The following ANKRD30BL variants were observed in gnomAD, a reference collection of about 807,000 sequenced individuals.
ANKRD30BL encodes putative ankyrin repeat domain-containing protein 30B-like.
In ANKRD30BL, 20 loss-of-function variants were observed where a neutral mutation model predicts 18.4. The observed-to-expected ratio is 1.09, with a 90% CI of 0.77 to 1.58. The LOEUF (loss-of-function observed/expected upper bound fraction) is 1.58, where lower values mean the gene tolerates loss of function less well. Among genes scored for constraint, ANKRD30BL ranks in the 40% most tolerant of loss-of-function variants. ANKRD30BL has a pLI of 0.00. For missense variants in ANKRD30BL, 224 were observed against 268.6 expected, an observed-to-expected ratio of 0.83 and a Z score of 1.16; for synonymous variants, 72 against 100.9, an observed-to-expected ratio of 0.71 and a Z score of 1.72.
chr2:132,189,973 T>C lies in ANKRD30BL; in HGVS notation n.442-32827A>G, dbSNP rs528211070. Among the ~76,000 whole-genome samples, 1,141 of 151,956 alleles carry C rather than the reference T, an allele frequency of 7.5e-3. 8 individuals carry two copies. The highest frequency in any genetic ancestry group is 0.025 in the African/African-American group (1,024 of 41,460). On this transcript the variant is annotated intron_variant and non_coding_transcript_variant, in intron 1 of 4. Transcript: ENST00000470729. ...TGGGTATAGCACAGCAAATCAAAGG[T>C]TGATAACATAAAATAGTGGACTAAA... is the stretch of plus-strand genomic sequence containing the variant.
intron 4 of ANKRD30BL, chr2:132,152,138 A>G (rs565748733): frequency 7.9e-5 from 12 of 152,362 alleles, no homozygotes; most frequent in Non-Finnish European, 1.2e-4. Context: ...AATTTTTTGT[A>G]TGAAAATCAC....
At chr2:132,251,689 T>C (rs1389048886) in intron 1 of ANKRD30BL, among the ~76,000 whole-genome samples, 3 of 152,218 alleles carry the variant, frequency 2.0e-5, no homozygotes, top group Non-Finnish European at 4.4e-5. Flanking sequence ...CCATACTTTC[T>C]GATATCAGGA....
At chr2:132,211,196 T>G (rs976222197) in intron 1 of ANKRD30BL, among the ~76,000 whole-genome samples, 1 of 132,654 alleles carries the variant, frequency 7.5e-6, no homozygotes, top group Non-Finnish European at 1.6e-5. Flanking sequence ...TGAAGCGCTT[T>G]GAGGCCTATG....
intron 1 of ANKRD30BL, among the ~76,000 whole-genome samples, chr2:132,234,567 A>G (rs1164783087): frequency 6.6e-6 from 1 of 152,238 alleles, no homozygotes; most frequent in Non-Finnish European, 1.5e-5. Context: ...ACCTCTATGC[A>G]AATAAACTAG....
At chr2:132,175,661 A>C (rs1391198941) in intron 1 of ANKRD30BL, among the ~76,000 whole-genome samples, 1 of 152,202 alleles carries the variant, frequency 6.6e-6, no homozygotes, top group Non-Finnish European at 1.5e-5. Flanking sequence ...TCAGACTATC[A>C]CATGTGGAGA....
chr2:132,154,338 C>G (rs370979108), intron 4 of ANKRD30BL, among the ~76,000 whole-genome samples: 1 of 152,154 alleles, frequency 6.6e-6, no homozygotes, highest in Admixed American at 6.5e-5. Context: ...TCATTCAATA[C>G]TGAATTATAA....
chr2:132,222,248 C>T (rs1310067665), intron 1 of ANKRD30BL, among the ~76,000 whole-genome samples: 1 of 150,074 alleles, frequency 6.7e-6, no homozygotes, highest in East Asian at 2.0e-4. Flanking sequence ...GCCGCCCCAT[C>T]CGGGAGGTGA....
intron 1 of ANKRD30BL, among the ~76,000 whole-genome samples, chr2:132,203,255 C>T (rs1473857751): frequency 1.3e-5 from 2 of 152,280 alleles, no homozygotes; most frequent in African/African-American, 4.8e-5. Context: ...AAAATTGGTT[C>T]TAACTTTCAA....
At chr2:132,231,880 G>A (rs1227195833) in intron 1 of ANKRD30BL, among the ~76,000 whole-genome samples, 4 of 152,126 alleles carry the variant, frequency 2.6e-5, no homozygotes, top group Non-Finnish European at 5.9e-5. Flanking sequence ...TCCACCTCTG[G>A]GGGAAGGGCA....
intron 1 of ANKRD30BL, among the ~76,000 whole-genome samples, chr2:132,225,977 C>A (rs915731325): frequency 2.0e-5 from 3 of 151,594 alleles, no homozygotes; most frequent in Non-Finnish European, 2.9e-5. Context: ...ACATTTGGAG[C>A]CCTTTGAGGC....
intron 5 of ANKRD30BL, among the ~76,000 whole-genome samples, chr2:132,150,437 C>T (rs1339052697): frequency 6.6e-6 from 1 of 151,154 alleles, no homozygotes; most frequent in Non-Finnish European, 1.5e-5. Flanking sequence ...TAATTCAAGG[C>T]ACCTAAGCTA....
At chr2:132,208,627 A>G (rs914139511) in intron 1 of ANKRD30BL, among the ~76,000 whole-genome samples, 5 of 152,060 alleles carry the variant, frequency 3.3e-5, no homozygotes, top group Admixed American at 3.3e-4. Context: ...GCTATTTACC[A>G]TTTATTTAAG....
At chr2:132,223,681 C>T (rs998931745) in intron 1 of ANKRD30BL, among the ~76,000 whole-genome samples, 1 of 151,710 alleles carries the variant, frequency 6.6e-6, no homozygotes, top group Non-Finnish European at 1.5e-5. Flanking sequence ...GTACATTCAA[C>T]TCACAGACTT....
At chr2:132,172,481 T>G (rs1297377843) in intron 1 of ANKRD30BL, among the ~76,000 whole-genome samples, 2 of 152,226 alleles carry the variant, frequency 1.3e-5, no homozygotes, top group African/African-American at 2.4e-5. Context: ...CTAGTGATAT[T>G]AAGCCTCTTT....
At chr2:132,236,648 G>A (rs1680159947) in intron 1 of ANKRD30BL, among the ~76,000 whole-genome samples, 1 of 152,162 alleles carries the variant, frequency 6.6e-6, no homozygotes, top group East Asian at 1.9e-4. Flanking sequence ...ACGATGTGGA[G>A]AAATAGGAAC....
At chr2:132,175,432 T>C (rs571354551) in intron 1 of ANKRD30BL, among the ~76,000 whole-genome samples, 17 of 152,360 alleles carry the variant, frequency 1.1e-4, no homozygotes, top group South Asian at 6.2e-4. Flanking sequence ...TCTTGCCTCC[T>C]GCCATAAGGT....
At chr2:132,194,540 A>G (rs1678925621) in intron 1 of ANKRD30BL, among the ~76,000 whole-genome samples, 1 of 152,148 alleles carries the variant, frequency 6.6e-6, no homozygotes, top group African/African-American at 2.4e-5. Context: ...TAATTTAAGG[A>G]GTCCACAGTG....
At position 132,148,048 on chromosome 2, in the gene ANKRD30BL, A is replaced by T; in HGVS notation, c.*83T>A. ...ATTTGTTCTTTGATGAGGAACTCAG[A>T]ACTCATTGTACTTAATCTTCCCCCT... On this transcript the variant is annotated 3_prime_UTR_variant, in exon 6 of 6. Coordinates refer to ENST00000409867, the MANE Select transcript of ANKRD30BL (RefSeq NM_001358416.1). The T allele has an allele frequency of 9.9e-7, 1 of 1,013,990 alleles. No homozygotes were observed. The highest frequency in any genetic ancestry group is 1.4e-5 in the South Asian group (1 of 72,876). The allele number at this position is 1,013,990 out of a possible 1,614,324, so 62.8% of individuals were successfully genotyped here.
At chr2:132,216,355 T>C (rs1458649015) in intron 1 of ANKRD30BL, among the ~76,000 whole-genome samples, 2 of 152,030 alleles carry the variant, frequency 1.3e-5, no homozygotes, top group Admixed American at 1.3e-4. Context: ...AGGAAATATC[T>C]TCACATAAGA....
Sources: allele counts gnomAD v4.1 joint callset (sites outside exome capture counted in the v4.1 genomes callset), GRCh38; gene constraint gnomAD v4.1.1; transcripts MANE v1.5; gene names NCBI Gene and HGNC (gene_info 2026-07-23, HGNC 2026-07-21).